The following LRMDA variants were observed in gnomAD, a reference collection of about 807,000 sequenced individuals.
LRMDA encodes leucine rich melanocyte differentiation associated.
A neutral mutation model predicts 29.8 loss-of-function variants in LRMDA; 18 were observed. That is an observed-to-expected ratio of 0.60 (90% CI 0.42 to 0.90). The LOEUF is 0.90. Ranked by LOEUF, LRMDA falls within the 40% of genes least tolerant of loss-of-function variation. The pLI is 0.00. For synonymous variants in LRMDA, 125 were observed against 109.4 expected (o/e 1.14, Z -0.89); for missense variants, 273 against 273.9 (o/e 1.00, Z 0.02).
chr10:76,241,202 A>G (rs1397971812), intron 5 of LRMDA, among the ~76,000 whole-genome samples: 2 of 152,102 alleles, frequency 1.3e-5, no homozygotes, highest in East Asian at 3.9e-4. Flanking sequence ...CTCAGAAATC[A>G]CTACTAAAGA....
chr10:75,504,908 G>C (rs1845154183), intron 2 of LRMDA, among the ~76,000 whole-genome samples: 1 of 152,190 alleles, frequency 6.6e-6, no homozygotes, highest in Admixed American at 6.5e-5. Flanking sequence ...TGGCTACAGA[G>C]TGGATAAATG....
chr10:76,068,809 T>C (rs1490551257), intron 5 of LRMDA, among the ~76,000 whole-genome samples: 1 of 152,150 alleles, frequency 6.6e-6, no homozygotes, highest in Non-Finnish European at 1.5e-5. Context: ...AGGGTACCCT[T>C]TGGAGGAGTG....
At chr10:76,072,690 G>T (rs1848893888) in intron 5 of LRMDA, among the ~76,000 whole-genome samples, 1 of 152,204 alleles carries the variant, frequency 6.6e-6, no homozygotes, top group Non-Finnish European at 1.5e-5. Flanking sequence ...TGGTTCAGGG[G>T]GAATGGGAGT....
At position 75,894,774 on chromosome 10, in the gene LRMDA, G is replaced by C. The variant is rs149565384; in HGVS notation, c.132-141234G>C. Among the ~76,000 whole-genome samples, 1,028 of 152,226 alleles carry C rather than the reference G, an allele frequency of 6.8e-3. 13 individuals carry two copies. The highest frequency in any genetic ancestry group is 0.024 in the African/African-American group (977 of 41,544). On this transcript the variant is annotated intron_variant, in intron 2 of 6. Transcript: ENST00000611255. ...CACCAGAGACAACCAGAAGATCTAA[G>C]CGTTTCAGAGGCAAGAGGCAATGAA...
At chr10:75,630,644 G>A (rs1295897909) in intron 2 of LRMDA, among the ~76,000 whole-genome samples, 1 of 152,126 alleles carries the variant, frequency 6.6e-6, no homozygotes, top group Non-Finnish European at 1.5e-5. Context: ...TGTCAGCTTT[G>A]TTTATCTACA....
chr10:75,645,262 C>T lies in LRMDA; in HGVS notation c.131+206768C>T, dbSNP rs144895982. ...TCTCCCAAAGTGCTGGGATTACAGG[C>T]GTGAGCCACCGTGCATGGCAACTTA... On this transcript the variant is annotated intron_variant, in intron 2 of 6. Coordinates refer to ENST00000611255, the MANE Select transcript of LRMDA (RefSeq NM_001305581.2). Among the ~76,000 whole-genome samples, 37 of 152,304 alleles carry T rather than the reference C, an allele frequency of 2.4e-4. No homozygotes were observed. In the South Asian group the frequency reaches 5.2e-3, roughly 21 times the overall value.
chr10:76,406,600 G>C (rs187703388), intron 6 of LRMDA, among the ~76,000 whole-genome samples: 118 of 152,244 alleles, frequency 7.8e-4, no homozygotes, highest in Admixed American at 2.0e-3. Flanking sequence ...TTCTCACTTT[G>C]CTCTGCCTCT....
chr10:75,795,017 T>C (rs754391142), intron 2 of LRMDA, among the ~76,000 whole-genome samples: 6 of 152,156 alleles, frequency 3.9e-5, no homozygotes, highest in Non-Finnish European at 7.3e-5. Flanking sequence ...AGATATTCTC[T>C]ATTTCTTTTT....
chr10:75,502,479 C>T (rs1370629052), intron 2 of LRMDA, among the ~76,000 whole-genome samples: 1 of 151,936 alleles, frequency 6.6e-6, no homozygotes, highest in African/African-American at 2.4e-5. Flanking sequence ...ATCCTAAGGG[C>T]CTCTGTTTAC....
intron 2 of LRMDA, among the ~76,000 whole-genome samples, chr10:75,713,520 A>G (rs1011685941): frequency 6.6e-6 from 1 of 152,258 alleles, no homozygotes; most frequent in African/African-American, 2.4e-5. Flanking sequence ...AATAAGAATT[A>G]GTGTTTTTAA....
At chr10:75,902,196 G>A (rs1845686367) in intron 2 of LRMDA, among the ~76,000 whole-genome samples, 1 of 152,194 alleles carries the variant, frequency 6.6e-6, no homozygotes, top group South Asian at 2.1e-4. Context: ...CCTTAGGGGT[G>A]CATGCCCGTG....
intron 6 of LRMDA, among the ~76,000 whole-genome samples, chr10:76,482,079 A>G (rs966288767): frequency 6.6e-6 from 1 of 151,582 alleles, no homozygotes; most frequent in African/African-American, 2.4e-5. Context: ...CTCTTCATAT[A>G]TTTTCCTTCT....
intron 4 of LRMDA, among the ~76,000 whole-genome samples, chr10:76,056,295 A>C (rs1325595588): frequency 6.6e-6 from 1 of 152,180 alleles, no homozygotes; most frequent in African/African-American, 2.4e-5. Context: ...TGATTGGTCC[A>C]TGGGTGGCCA....
chr10:76,050,921 C>A (rs1314574904), intron 4 of LRMDA, among the ~76,000 whole-genome samples: 3 of 152,252 alleles, frequency 2.0e-5, no homozygotes, highest in Non-Finnish European at 4.4e-5. Flanking sequence ...CTTCCTCTGT[C>A]ACTGAACCCT....
At chr10:75,845,615 A>G (rs1323763877) in intron 2 of LRMDA, among the ~76,000 whole-genome samples, 1 of 152,166 alleles carries the variant, frequency 6.6e-6, no homozygotes, top group Non-Finnish European at 1.5e-5. Flanking sequence ...CTGCAGAGGG[A>G]AGGAGCTCTG....
chr10:76,118,449 A>G (rs1055610988), intron 5 of LRMDA, among the ~76,000 whole-genome samples: 2 of 152,188 alleles, frequency 1.3e-5, no homozygotes, highest in African/African-American at 4.8e-5. Flanking sequence ...CAAATAGTTT[A>G]ATGAAGAACA....
chr10:75,823,107 A>G (rs1270126992), intron 2 of LRMDA, among the ~76,000 whole-genome samples: 1 of 152,226 alleles, frequency 6.6e-6, no homozygotes, highest in Non-Finnish European at 1.5e-5. Flanking sequence ...AAGCAAAAGT[A>G]GACAAATAAG....
At chr10:76,276,218 G>C (rs922361743) in intron 5 of LRMDA, among the ~76,000 whole-genome samples, 1 of 152,040 alleles carries the variant, frequency 6.6e-6, no homozygotes, top group Admixed American at 6.6e-5. Context: ...GCGGCTAACT[G>C]TAGCCTTGAA....
At chr10:76,274,977 C>A (rs996643961) in intron 5 of LRMDA, among the ~76,000 whole-genome samples, 1 of 152,100 alleles carries the variant, frequency 6.6e-6, no homozygotes, top group South Asian at 2.1e-4. Context: ...TAAGTGAACT[C>A]AGAGCTCAGT....
Sources: allele counts gnomAD v4.1 joint callset (sites outside exome capture counted in the v4.1 genomes callset), GRCh38; gene constraint gnomAD v4.1.1; transcripts MANE v1.5; gene names NCBI Gene and HGNC (gene_info 2026-07-23, HGNC 2026-07-21).